AP3B1: variants seen among roughly 807,000 people sequenced by gnomAD.
AP3B1 encodes adaptor related protein complex 3 subunit beta 1, also known as AP-3 complex subunit beta-1.
Under a neutral mutation model 132.5 loss-of-function variants are expected in AP3B1, and 61 were observed. The ratio of observed to expected loss-of-function variants is 0.46; its 90% CI spans 0.37 to 0.57. The LOEUF (loss-of-function observed/expected upper bound fraction) is 0.57, where lower values mean the gene tolerates loss of function less well. Among genes scored for constraint, AP3B1 ranks in the 20% least tolerant of loss-of-function variants. The pLI is 0.00. For missense variants in AP3B1, 1,120 were observed against 1,289.4 expected, an observed-to-expected ratio of 0.87 and a Z score of 2.01; for synonymous variants, 388 against 438.3, an observed-to-expected ratio of 0.89 and a Z score of 1.43.
At chr5:78,191,759 GATT>G (rs1250313381) in intron 7 of AP3B1, among the ~76,000 whole-genome samples, 3 of 152,128 alleles carry the variant, frequency 2.0e-5, no homozygotes, top group African/African-American at 7.2e-5. Flanking sequence ...AGGAAAAGCA[GATT>G]ATTAAGTGAA....
At chr5:78,254,757 C>T (rs965803100) in intron 2 of AP3B1, among the ~76,000 whole-genome samples, 1 of 151,964 alleles carries the variant, frequency 6.6e-6, no homozygotes, top group African/African-American at 2.4e-5. Context: ...CCTGAAGGTA[C>T]AAAACTAACT....
intron 2 of AP3B1, among the ~76,000 whole-genome samples, chr5:78,261,926 ATTTTTAGTAGAGACGAGATTTGTC>A (rs1345556536): frequency 6.6e-6 from 1 of 151,454 alleles, no homozygotes; most frequent in Non-Finnish European, 1.5e-5. Flanking sequence ...TAATTTTTGT[ATTTTTAGTAGAGACGAGATTTGTC>A]TTTTTAGTAG....
intron 21 of AP3B1, among the ~76,000 whole-genome samples, chr5:78,099,001 A>G (rs1376724421): frequency 2.6e-5 from 4 of 152,180 alleles, no homozygotes; most frequent in Non-Finnish European, 5.9e-5. Context: ...AATCCAGACT[A>G]TGGTGGGGCC....
Position 78,177,330 on chromosome 5 carries a change from A to T in AP3B1, c.1040+9T>A, listed in dbSNP as rs201876461. 4.3e-4 allele frequency: 684 copies of T among 1,585,718 alleles called. 1 individual carries two copies. In the African/African-American group the frequency reaches 7.8e-3, roughly 18 times the overall value. On this transcript the variant is annotated intron_variant, in intron 9 of 26. Coordinates refer to ENST00000255194, the MANE Select transcript of AP3B1 (RefSeq NM_003664.5). ...CAAAAGAAAAAATATATATAAAATCATGACCTACCTATTGCTACGAAGTAA... is the reference window on the plus strand; with the variant it reads ...CAAAAGAAAAAATATATATAAAATCTTGACCTACCTATTGCTACGAAGTAA...
intron 7 of AP3B1, among the ~76,000 whole-genome samples, chr5:78,198,208 C>G (rs777550235): frequency 6.6e-6 from 1 of 152,104 alleles, no homozygotes; most frequent in Non-Finnish European, 1.5e-5. Flanking sequence ...AGATTTACAC[C>G]AGGATGAAAC....
intron 2 of AP3B1, among the ~76,000 whole-genome samples, chr5:78,248,492 C>CAAAAAAAA (rs34983157): frequency 1.4e-5 from 1 of 71,354 alleles, no homozygotes; most frequent in African/African-American, 6.0e-5. Flanking sequence ...GACTCTGTCT[C>CAAAAAAAA]AAAAAAAAAA....
chr5:78,110,448 T>A, intron 19 of AP3B1, 94 bp from the exon 20 acceptor site: 1 of 894,022 alleles, frequency 1.1e-6, no homozygotes, highest in Non-Finnish European at 1.7e-6. Flanking sequence ...AATACATTAA[T>A]GAGGTAATAA....
At chr5:78,256,885 G>C (rs1747870585) in intron 2 of AP3B1, among the ~76,000 whole-genome samples, 1 of 151,986 alleles carries the variant, frequency 6.6e-6, no homozygotes, top group African/African-American at 2.4e-5. Flanking sequence ...CAATCAATGT[G>C]ATACATCATG....
chr5:78,271,678 A>G (rs905126539), intron 1 of AP3B1, among the ~76,000 whole-genome samples: 5 of 152,124 alleles, frequency 3.3e-5, no homozygotes, highest in African/African-American at 1.2e-4. Flanking sequence ...TGAGGACTAA[A>G]CTCTGACTTT....
At chr5:78,058,669 TA>T (rs767720376) in intron 22 of AP3B1, among the ~76,000 whole-genome samples, 1 of 152,214 alleles carries the variant, frequency 6.6e-6, no homozygotes, top group Non-Finnish European at 1.5e-5. Flanking sequence ...TTAATTTCCT[TA>T]ACTGTAGTTA....
At chr5:78,286,073 G>A (rs936347365) in intron 1 of AP3B1, among the ~76,000 whole-genome samples, 1 of 152,040 alleles carries the variant, frequency 6.6e-6, no homozygotes, top group Non-Finnish European at 1.5e-5. Context: ...ATTTTACAAG[G>A]CCCTACACAA....
Position 78,002,782 on chromosome 5 carries a change from A to G in AP3B1, c.*120T>C, listed in dbSNP as rs540703378. 1 of 1,105,928 alleles carries G rather than the reference A, an allele frequency of 9.0e-7. No individual in the cohort carries two copies. Among genetic ancestry groups the G allele is most frequent in the African/African-American group, 1.5e-5 (1 of 65,222 alleles). 68.5% of individuals were successfully genotyped at this position (1,105,928 alleles called of 1,614,324 possible). A position where few individuals can be genotyped will look rare whatever the true frequency, so the allele number is the denominator to read the frequency against. On this transcript the variant is annotated 3_prime_UTR_variant, in exon 27 of 27. Transcript: ENST00000255194. ...TTCTAAAGCAGGAGACAAGAATGTC[A>G]AGAGTGTATTCTACCCCCACTGCCA...
At chr5:78,176,048 G>A (rs1744135301) in intron 9 of AP3B1, among the ~76,000 whole-genome samples, 1 of 152,082 alleles carries the variant, frequency 6.6e-6, no homozygotes, top group Non-Finnish European at 1.5e-5. Context: ...GATTCATCAT[G>A]AAGAATAGTT....
intron 2 of AP3B1, among the ~76,000 whole-genome samples, chr5:78,244,467 T>C (rs767953500): frequency 1.3e-5 from 2 of 151,970 alleles, no homozygotes; most frequent in Non-Finnish European, 2.9e-5. Context: ...AGAAATGGAA[T>C]TGCCATTTAC....
At chr5:78,223,028 T>TCTTTTTTTTTTTTTC (rs1554077325) in intron 6 of AP3B1, among the ~76,000 whole-genome samples, 1 of 78,002 alleles carries the variant, frequency 1.3e-5, no homozygotes, top group South Asian at 3.4e-4. Context: ...TGTTTGTTTC[T>TCTTTTTTTTTTTTTC]TTTTTTTTTT....
intron 7 of AP3B1, among the ~76,000 whole-genome samples, chr5:78,207,087 G>A (rs192833820): frequency 2.5e-4 from 38 of 151,876 alleles, no homozygotes; most frequent in African/African-American, 8.7e-4. Context: ...GTGAAACCCC[G>A]TCTCTACCAG....
intron 14 of AP3B1, among the ~76,000 whole-genome samples, chr5:78,151,409 T>A (rs568723434): frequency 6.6e-6 from 1 of 152,324 alleles, no homozygotes; most frequent in South Asian, 2.1e-4. Flanking sequence ...CTGTGTTGAA[T>A]AACAGTGGAC....
rs1343340488 is a variant in AP3B1 at position 78,228,390 on chromosome 5, A to G, written c.280-151T>C. ...AAATAAAAATAATATTTTGTGGGAT[A>G]ATAAGTACAACAGGAAAAGCTTTTA... On this transcript the variant is annotated intron_variant, in intron 3 of 26. Coordinates refer to ENST00000255194, the MANE Select transcript of AP3B1 (RefSeq NM_003664.5). 3 of 617,290 alleles carry G rather than the reference A, an allele frequency of 4.9e-6. No individual in the cohort carries two copies. The East Asian group carries it at 8.6e-5, about 18-fold the overall frequency. The allele number at this position is 617,290 out of a possible 1,614,324, so 38.2% of individuals were successfully genotyped here.
At position 78,138,969 on chromosome 5, in the gene AP3B1, C is replaced by CAAAA. The variant is rs34427836; in HGVS notation, c.1650+2170_1650+2173dup. ...TGTGTGACAGAGGGAAACTCTGTCTCAAAAAAAAAAAAAAAAAAAAACACT... is the reference window on the plus strand; with the variant it reads ...TGTGTGACAGAGGGAAACTCTGTCTCAAAAAAAAAAAAAAAAAAAAAAAAACACT... On this transcript the variant is annotated intron_variant, in intron 15 of 26. Transcript: ENST00000255194. Among the ~76,000 whole-genome samples the CAAAA allele has an allele frequency of 1.4e-3, 54 of 39,346 alleles. 1 individual carries two copies. The highest frequency in any genetic ancestry group is 4.8e-3 in the African/African-American group (46 of 9,516). The allele number at this position is 39,346 out of a possible 152,430, so 25.8% of individuals were successfully genotyped here. A position where few individuals can be genotyped will look rare whatever the true frequency, so the allele number is the denominator to read the frequency against.
Sources: gnomAD v4.1 joint callset for allele counts (sites outside exome capture counted in the v4.1 genomes callset) on GRCh38, gnomAD v4.1.1 for gene constraint, MANE v1.5 for transcripts, NCBI Gene and HGNC (gene_info 2026-07-23, HGNC 2026-07-21) for gene names.